The following CYBB variants were observed in gnomAD, a reference collection of about 807,000 sequenced individuals.
CYBB encodes NADPH oxidase 2.
In CYBB, 5 loss-of-function variants were observed where a neutral mutation model predicts 46.5. That is an observed-to-expected ratio of 0.11 (90% confidence interval 0.06 to 0.23). The LOEUF is 0.23. Ranked by LOEUF, CYBB falls within the 10% of genes least tolerant of loss-of-function variation. The pLI is 1.00. For synonymous variants in CYBB, 183 were observed against 156.7 expected (o/e 1.17, Z -1.26); for missense variants, 307 against 428.3 (o/e 0.72, Z 2.50).
In CYBB at chrX:37,803,858, CAT is replaced by C. The variant is rs1569479929; in HGVS notation, c.898-16_898-15del. The C allele has an allele frequency of 8.3e-7, 1 of 1,207,795 alleles. No individual in the cohort carries two copies. The highest frequency in any genetic ancestry group is 2.2e-5 in the Admixed American group (1 of 45,878). ...ATTTAGGAAAAATGTCATTTCCAGACATATGTTTTATTCTATAGGTGGTCACT... is the reference window on the plus strand; with the variant it reads ...ATTTAGGAAAAATGTCATTTCCAGACATGTTTTATTCTATAGGTGGTCACT... On this transcript the variant is annotated splice_polypyrimidine_tract_variant and intron_variant, in intron 8 of 12. Coordinates refer to ENST00000378588, the MANE Select transcript of CYBB (RefSeq NM_000397.4).
intron 2 of CYBB, among the ~76,000 whole-genome samples, chrX:37,782,789 T>C (rs1485296096): frequency 1.8e-5 from 2 of 111,407 alleles, no homozygotes; most frequent in Non-Finnish European, 3.8e-5. Context: ...GCTGAAACTA[T>C]GAATTAATTG....
chrX:37,804,237 T>A (rs1415874012), intron 9 of CYBB, 107 bp downstream of exon 9: 1 of 801,519 alleles, frequency 1.2e-6, no homozygotes, highest in Non-Finnish European at 1.9e-6. Context: ...ACACACAGGT[T>A]CTAAGAATAT....
At position 37,796,011 on chromosome X, in the gene CYBB, A is replaced by G. The variant is rs782637800; in HGVS notation, c.544A>G (p.Ile182Val). The G allele has an allele frequency of 1.7e-6, 2 of 1,208,706 alleles. No individual in the cohort carries two copies. The highest frequency in any genetic ancestry group is 1.8e-5 in the South Asian group (1 of 56,916). The change falls in exon 6 of 13, where the codon ATC becomes GTC. Residue 182 changes from isoleucine (I) to valine (V), a missense_variant. Around this residue, in one of 3 missense-constraint regions of CYBB, gnomAD observed 103 missense variants for 150.2 expected, o/e 0.69. Coordinates refer to ENST00000378588, the MANE Select transcript of CYBB (RefSeq NM_000397.4). Reference protein sequence around the residue: ...TLLAGITGVVITLCLILIITS... With the variant: ...TLLAGITGVVVTLCLILIITS... ...GTTGGCAGGCATCACTGGAGTTGTC[A>G]TCACGCTGTGCCTCATATTAATTAT...
intron 8 of CYBB, among the ~76,000 whole-genome samples, chrX:37,803,467 G>A (rs1929488370): frequency 9.0e-6 from 1 of 111,061 alleles, no homozygotes; most frequent in East Asian, 2.8e-4. Flanking sequence ...TAAAGACTGA[G>A]AAATAACTGC....
chrX:37,787,638 A>G (rs1469540411), intron 3 of CYBB, among the ~76,000 whole-genome samples: 1 of 111,812 alleles, frequency 8.9e-6, no homozygotes, highest in Non-Finnish European at 1.9e-5. Flanking sequence ...GGCAACGTGG[A>G]TAATTGGGAA....
At chrX:37,790,087 G>A (rs1400004380) in intron 3 of CYBB, among the ~76,000 whole-genome samples, 2 of 111,721 alleles carry the variant, frequency 1.8e-5, no homozygotes, top group African/African-American at 3.3e-5. Flanking sequence ...TTCTTAACCC[G>A]TTAGGTAAAA....
At chrX:37,809,417 C>T (rs1929624286) in intron 11 of CYBB, 150 bp from the exon 12 acceptor site, 1 of 613,121 alleles carries the variant, frequency 1.6e-6, no homozygotes, top group African/African-American at 2.2e-5. Context: ...CTGTAAATTG[C>T]TTGAGAGAGA....
chrX:37,789,172 C>A (rs1929139368), intron 3 of CYBB, among the ~76,000 whole-genome samples: 1 of 111,573 alleles, frequency 9.0e-6, no homozygotes, highest in Non-Finnish European at 1.9e-5. Context: ...TGCTTCAAAT[C>A]TCTGACTTCC....
At chrX:37,809,028 CTATA>C (rs1556472459) in intron 11 of CYBB, among the ~76,000 whole-genome samples, 1 of 112,179 alleles carries the variant, frequency 8.9e-6, no homozygotes, top group African/African-American at 3.2e-5. Flanking sequence ...CAGTATGTGA[CTATA>C]TACACATATG....
chrX:37,782,820 GTA>G (rs1352021875), intron 2 of CYBB, among the ~76,000 whole-genome samples: 2 of 110,901 alleles, frequency 1.8e-5, no homozygotes, highest in Non-Finnish European at 3.8e-5. Flanking sequence ...ATTATTATAA[GTA>G]TTATAAATCA....
At chrX:37,795,876 T>C (rs894103993) in intron 5 of CYBB, 75 bp from the exon 6 acceptor site, 10 of 778,295 alleles carry the variant, frequency 1.3e-5, no homozygotes, top group African/African-American at 4.1e-5. Flanking sequence ...ACCTATAATA[T>C]TGTGCTTGCG....
At chrX:37,806,874 CTCTG>C (rs1394126326) in intron 11 of CYBB, among the ~76,000 whole-genome samples, 7 of 104,632 alleles carry the variant, frequency 6.7e-5, no homozygotes, top group African/African-American at 1.6e-4. Flanking sequence ...CTCTCTGTCT[CTCTG>C]TCTCTCTCTC....
chrX:37,784,287 ATAT>A (rs1181252948), intron 3 of CYBB, among the ~76,000 whole-genome samples: 1 of 112,357 alleles, frequency 8.9e-6, no homozygotes, highest in Non-Finnish European at 1.9e-5. Flanking sequence ...ACTCAAATAA[ATAT>A]TATACAAAGC....
At chrX:37,793,557 G>A (rs1156628304) in intron 4 of CYBB, 108 bp from the exon 5 acceptor site, 4 of 887,532 alleles carry the variant, frequency 4.5e-6, no homozygotes, top group African/African-American at 4.0e-5. Context: ...GCCTCCCTTT[G>A]TCTCCCTGTG....
rs1212724419 is a variant in CYBB at position 37,810,976 on chromosome X, T to G, written c.*59T>G. 8.6e-6 allele frequency: 9 copies of G among 1,046,072 alleles called. No homozygotes were observed. Among genetic ancestry groups the G allele is most frequent in the Non-Finnish European group, 1.1e-5 (8 of 754,399 alleles). 86.2% of individuals were successfully genotyped at this position (1,046,072 alleles called of 1,213,427 possible). A position where few individuals can be genotyped will look rare whatever the true frequency, so the allele number is the denominator to read the frequency against. The stretch of plus-strand genomic sequence containing the variant: ...GTGCTGCCAAATGCTCAAATAATGC[T>G]AATTGATAATATAAATACCCCCTGC... On this transcript the variant is annotated 3_prime_UTR_variant, in exon 13 of 13. Coordinates refer to ENST00000378588, the MANE Select transcript of CYBB (RefSeq NM_000397.4).
chrX:37,809,417 C>A, intron 11 of CYBB, 150 bp from the exon 12 acceptor site: 1 of 614,674 alleles, frequency 1.6e-6, no homozygotes, highest in Non-Finnish European at 2.6e-6. Flanking sequence ...CTGTAAATTG[C>A]TTGAGAGAGA....
At chrX:37,780,669 A>G (rs1271318674) in intron 1 of CYBB, among the ~76,000 whole-genome samples, 2 of 110,454 alleles carry the variant, frequency 1.8e-5, no homozygotes, top group Non-Finnish European at 3.8e-5. Context: ...TCAAAAGAAC[A>G]GAATTGAAAT....
chrX:37,803,498 A>G (rs1477088429), intron 8 of CYBB, among the ~76,000 whole-genome samples: 1 of 111,522 alleles, frequency 9.0e-6, no homozygotes, highest in Non-Finnish European at 1.9e-5. Context: ...TTTCTAAGGA[A>G]TTCTATAAGA....
intron 5 of CYBB, 100 bp from the exon 6 acceptor site, chrX:37,795,851 G>A (rs1416566243): frequency 3.2e-6 from 2 of 617,210 alleles, no homozygotes; most frequent in African/African-American, 4.3e-5. Context: ...CTTTATAATA[G>A]TCCTGCATTT....
Sources: gnomAD v4.1 joint callset for allele counts (sites outside exome capture counted in the v4.1 genomes callset) on GRCh38, gnomAD v4.1.1 for gene constraint, gnomAD v4.1.1 regional missense constraint, MANE v1.5 for transcripts, NCBI Gene and HGNC (gene_info 2026-07-23, HGNC 2026-07-21) for gene names.